Variants in PTPRU observed in about 807,000 individuals in gnomAD.
PTPRU encodes receptor-type tyrosine-protein phosphatase U.
PTPRU carries 69 observed loss-of-function variants against 166.3 expected under a neutral mutation model. The observed-to-expected ratio is 0.41, with a 90% CI of 0.34 to 0.51. The LOEUF is 0.51. PTPRU is among the 20% of genes least tolerant of loss of function. The probability of loss-of-function intolerance (pLI) is 0.09; values close to 1 mark genes in which losing one functional copy is unlikely to be tolerated. For synonymous variants in PTPRU, 793 were observed against 814.0 expected, an observed-to-expected ratio of 0.97 and a Z score of 0.44; for missense variants, 1,657 against 2,013.7, an observed-to-expected ratio of 0.82 and a Z score of 3.39.
intron 8 of PTPRU, among the ~76,000 whole-genome samples, chr1:29,276,877 A>G (rs1205539424): frequency 1.3e-5 from 2 of 152,146 alleles, no homozygotes; most frequent in Non-Finnish European, 2.9e-5. Context: ...TAGATCATTA[A>G]TACTGAGCCC....
rs1350293728 is a variant in PTPRU at position 29,316,068 on chromosome 1, G to C, written c.3430G>C (p.Val1144Leu). ...CCTGTGTGGGGAGACCACCATCCCT[G>C]TCAGTGAGTTCAAGGCCACCTACAA... ...ACLCGETTIP[V>L]SEFKATYKEM... is the part of the protein sequence containing the mutation. Residue 1144 changes from valine to leucine, a missense_variant, in exon 24 of 30, where the codon GTC (valine) becomes CTC (leucine). Physicochemically the swap from Val to Leu is conservative, Grantham distance 32 (BLOSUM62 1). Around this residue, in one of 3 missense-constraint regions of PTPRU, gnomAD observed 1,190 missense variants for 1,477.4 expected, o/e 0.81. Coordinates refer to ENST00000373779, the MANE Select transcript of PTPRU (RefSeq NM_133178.4). 1 of 1,614,168 alleles carries C rather than the reference G, an allele frequency of 6.2e-7. No homozygotes were observed.
At chr1:29,255,164 G>A (rs867078878) in intron 1 of PTPRU, 111 bp from the exon 2 acceptor site, 29 of 1,300,654 alleles carry the variant, frequency 2.2e-5, no homozygotes, top group Middle Eastern at 2.5e-4. Context: ...CCTGAAGAGA[G>A]GGAGGAGGGC....
chr1:29,241,892 C>A (rs1684074243), intron 1 of PTPRU, among the ~76,000 whole-genome samples: 1 of 146,002 alleles, frequency 6.8e-6, no homozygotes, highest in Non-Finnish European at 1.5e-5. Context: ...AGCGCACGGC[C>A]TTTTCTTCTT....
At chr1:29,283,163 T>C (rs1343897075) in intron 12 of PTPRU, among the ~76,000 whole-genome samples, 1 of 102,232 alleles carries the variant, frequency 9.8e-6, no homozygotes, top group Non-Finnish European at 1.9e-5. Context: ...GGCCCCACAG[T>C]TCCTCCCCCA....
intron 14 of PTPRU, among the ~76,000 whole-genome samples, chr1:29,290,302 T>A (rs1395319251): frequency 6.6e-6 from 1 of 152,186 alleles, no homozygotes; most frequent in African/African-American, 2.4e-5. Flanking sequence ...GACAGAGTCC[T>A]CACAACAGCT....
rs12126961 is a variant in PTPRU, at chr1:29,271,082, G to T, written c.1145-4366G>T. ...AAAAGTTGAACATTTCAGGGTTATT[G>T]CATCTTGTTTAGCCTTACTAAAGTC... On this transcript the variant is annotated intron_variant, in intron 7 of 29. Transcript: ENST00000373779. The surrounding 1 kb of genome is among the most constrained non-coding windows in gnomAD (Gnocchi z 4.4). Among the ~76,000 whole-genome samples the T allele has an allele frequency of 6.6e-6, 1 of 152,214 alleles. No homozygotes were observed.
At chr1:29,304,654 C>T in intron 16 of PTPRU, 120 bp from the exon 17 acceptor site, 1 of 665,440 alleles carries the variant, frequency 1.5e-6, no homozygotes, top group Non-Finnish European at 2.4e-6. Flanking sequence ...GGCCCAAGTT[C>T]AGCTTGAATC....
chr1:29,325,856 G>A lies in PTPRU; in HGVS notation c.*195G>A. 1.6e-6 allele frequency: 1 copy of A among 618,420 alleles called. No individual in the cohort carries two copies. Among genetic ancestry groups the A allele is most frequent in the Non-Finnish European group, 2.7e-6 (1 of 373,770 alleles). The allele number at this position is 618,420 out of a possible 1,614,324, so 38.3% of individuals were successfully genotyped here. On this transcript the variant is annotated 3_prime_UTR_variant, in exon 30 of 30. Transcript: ENST00000373779. ...CGCTTGTCCCATGGGCGGGTGGTGG[G>A]CCAAGGAGGAGCTTAGCAAGTCTGC...
chr1:29,293,128 C>T (rs984598566), intron 15 of PTPRU, among the ~76,000 whole-genome samples: 10 of 152,046 alleles, frequency 6.6e-5, no homozygotes, highest in African/African-American at 9.7e-5. Flanking sequence ...TACAGGTGTG[C>T]GCCACCACAC....
chr1:29,253,423 A>G (rs1490999125), intron 1 of PTPRU, among the ~76,000 whole-genome samples: 1 of 152,084 alleles, frequency 6.6e-6, no homozygotes, highest in African/African-American at 2.4e-5. Context: ...ATGACCCATG[A>G]TTAGATTAGA....
chr1:29,272,928 G>GAA (rs1039952350), intron 7 of PTPRU, among the ~76,000 whole-genome samples: 1 of 122,644 alleles, frequency 8.2e-6, no homozygotes, highest in African/African-American at 3.0e-5. Context: ...AAAAAAAAAA[G>GAA]AAAAAAAAAT....
chr1:29,253,146 TGA>T (rs1684629704), intron 1 of PTPRU, among the ~76,000 whole-genome samples: 1 of 151,984 alleles, frequency 6.6e-6, no homozygotes, highest in Non-Finnish European at 1.5e-5. Context: ...ATGCATAGGG[TGA>T]GGTATGGGAG....
intron 1 of PTPRU, among the ~76,000 whole-genome samples, chr1:29,247,572 C>T (rs913077073): frequency 1.3e-5 from 2 of 152,348 alleles, no homozygotes; most frequent in Non-Finnish European, 2.9e-5. Flanking sequence ...ACTCTGTCTT[C>T]GTATGTCGCA....
chr1:29,312,754 GA>G (rs756199932), intron 22 of PTPRU, 48 bp downstream of exon 22: 16 of 1,562,434 alleles, frequency 1.0e-5, no homozygotes, highest in Non-Finnish European at 1.2e-5. Flanking sequence ...TTCTCCCTGG[GA>G]ATTTGGGCTT....
At chr1:29,241,848 C>T (rs1333361454) in intron 1 of PTPRU, among the ~76,000 whole-genome samples, 1 of 148,524 alleles carries the variant, frequency 6.7e-6, no homozygotes, top group Non-Finnish European at 1.5e-5. Flanking sequence ...CTGCCTTGGC[C>T]TTCCAAAGTG....
intron 1 of PTPRU, among the ~76,000 whole-genome samples, chr1:29,246,283 A>G (rs1437282460): frequency 1.3e-5 from 2 of 152,222 alleles, no homozygotes; most frequent in African/African-American, 4.8e-5. Flanking sequence ...CCACCATGGT[A>G]TCTGTAGGCT....
chr1:29,255,720 T>C (rs1558552154), intron 2 of PTPRU, among the ~76,000 whole-genome samples: 1 of 152,192 alleles, frequency 6.6e-6, no homozygotes, highest in Non-Finnish European at 1.5e-5. Flanking sequence ...TCCTCCATCT[T>C]TGAGAGGCTC....
intron 15 of PTPRU, among the ~76,000 whole-genome samples, chr1:29,301,804 A>G (rs917460859): frequency 7.2e-5 from 11 of 152,080 alleles, no homozygotes; most frequent in East Asian, 1.9e-4. Flanking sequence ...TCATTGTTCA[A>G]TTCCCACCTA....
chr1:29,287,814 G>A (rs1444357112), intron 14 of PTPRU, among the ~76,000 whole-genome samples: 2 of 150,188 alleles, frequency 1.3e-5, no homozygotes, highest in East Asian at 3.9e-4. Flanking sequence ...GCCAGGATGG[G>A]TATGTATGTA....
Sources: allele counts gnomAD v4.1 joint callset (sites outside exome capture counted in the v4.1 genomes callset), GRCh38; gene constraint gnomAD v4.1.1; regional missense constraint gnomAD v4.1.1; non-coding constraint Gnocchi (gnomAD v3.1); transcripts MANE v1.5; gene names NCBI Gene and HGNC (gene_info 2026-07-23, HGNC 2026-07-21).